The following LINGO2 variants were observed in gnomAD, a reference collection of about 807,000 sequenced individuals.
LINGO2 encodes the protein leucine rich repeat and Ig domain containing 2.
Under a neutral mutation model 30.6 loss-of-function variants are expected in LINGO2, and 14 were observed. The observed-to-expected ratio is 0.46, with a 90% CI of 0.30 to 0.72. The LOEUF (loss-of-function observed/expected upper bound fraction) is 0.72, where lower values mean the gene tolerates loss of function less well. LINGO2 is among the 30% of genes least tolerant of loss of function. The pLI, the probability that LINGO2 is intolerant of heterozygous loss-of-function variation, is 0.07. For missense variants in LINGO2, 729 were observed against 751.7 expected, an observed-to-expected ratio of 0.97 and a Z score of 0.35; for synonymous variants, 317 against 288.5, an observed-to-expected ratio of 1.10 and a Z score of -1.00.
At chr9:28,512,638 C>T (rs10812840) in intron 1 of LINGO2, among the ~76,000 whole-genome samples, 336 of 24,890 alleles carry the variant, frequency 0.013, no homozygotes, top group Non-Finnish European at 0.021. Context: ...TATATATATA[C>T]ACACATACAT....
chr9:28,554,095 G>A (rs970414460), intron 1 of LINGO2, among the ~76,000 whole-genome samples: 18 of 151,986 alleles, frequency 1.2e-4, no homozygotes, highest in Admixed American at 6.6e-4. Context: ...ATCAACTAAC[G>A]AGCAAAATCA....
At chr9:28,266,019 C>G (rs1051352973) in intron 4 of LINGO2, among the ~76,000 whole-genome samples, 4 of 151,946 alleles carry the variant, frequency 2.6e-5, no homozygotes, top group African/African-American at 4.8e-5. Flanking sequence ...ATTTTTTCAT[C>G]ACGGAATGAT....
At chr9:28,217,530 A>C (rs1409371925) in intron 4 of LINGO2, among the ~76,000 whole-genome samples, 4 of 152,104 alleles carry the variant, frequency 2.6e-5, no homozygotes, top group African/African-American at 9.6e-5. Flanking sequence ...AAGAGCAAAC[A>C]CCACCATAGA....
At chr9:28,522,039 TA>T (rs1164184689) in intron 1 of LINGO2, among the ~76,000 whole-genome samples, 1 of 152,210 alleles carries the variant, frequency 6.6e-6, no homozygotes, top group Non-Finnish European at 1.5e-5. Context: ...TGTGAGAGAA[TA>T]AATTTCTATT....
chr9:29,154,308 G>A, the LINGO2 span, among the ~76,000 whole-genome samples: 1 of 151,870 alleles, frequency 6.6e-6, no homozygotes, highest in East Asian at 1.9e-4. Flanking sequence ...AAATTAGCCG[G>A]GCGTGGTGGC....
chr9:28,665,642 T>C (rs1405606574), intron 1 of LINGO2, among the ~76,000 whole-genome samples: 1 of 152,176 alleles, frequency 6.6e-6, no homozygotes, highest in Non-Finnish European at 1.5e-5. Flanking sequence ...TCAGTGTAAG[T>C]TGATAGCATT....
chr9:29,180,731 TC>T, the LINGO2 span, among the ~76,000 whole-genome samples: 1 of 152,240 alleles, frequency 6.6e-6, no homozygotes, highest in African/African-American at 2.4e-5. Context: ...TCTGAAAACA[TC>T]TCGTTCATTT....
the LINGO2 span, among the ~76,000 whole-genome samples, chr9:29,093,418 G>GAT: frequency 7.6e-6 from 1 of 132,444 alleles, no homozygotes; most frequent in African/African-American, 2.8e-5. Flanking sequence ...TAAATAACAA[G>GAT]ATATATATAA....
intron 1 of LINGO2, among the ~76,000 whole-genome samples, chr9:28,645,537 A>G (rs1417760006): frequency 6.6e-6 from 1 of 152,112 alleles, no homozygotes; most frequent in Admixed American, 6.6e-5. Flanking sequence ...TGTGACTGAA[A>G]TCATTGTTGT....
chr9:28,871,305 C>T, the LINGO2 span, among the ~76,000 whole-genome samples: 1 of 148,610 alleles, frequency 6.7e-6, no homozygotes, highest in Non-Finnish European at 1.5e-5. Flanking sequence ...TGAAATTAAA[C>T]AATAGAACAA....
rs567766478 is a variant in LINGO2 at position 27,971,455 on chromosome 9, T to C, written c.-35-20749A>G. ...GGAGTGCGGTGGCCATGATCTGGAC[T>C]TGCTGCAACCTCCGCCTGGCTGGTT... On this transcript the variant is annotated intron_variant, in intron 5 of 5. Transcript: ENST00000379992. Among the ~76,000 whole-genome samples, 19 of 152,326 alleles carry C rather than the reference T, an allele frequency of 1.2e-4. 1 individual carries two copies. The highest frequency in any genetic ancestry group is 3.4e-3 in the Middle Eastern group (1 of 294).
chr9:29,083,202 G>C, the LINGO2 span, among the ~76,000 whole-genome samples: 1 of 152,280 alleles, frequency 6.6e-6, no homozygotes, highest in Middle Eastern at 3.4e-3. Flanking sequence ...ATCAATGATA[G>C]ACTGGATTAA....
chr9:28,320,883 G>A (rs1825017206), intron 3 of LINGO2, among the ~76,000 whole-genome samples: 2 of 152,116 alleles, frequency 1.3e-5, no homozygotes, highest in Admixed American at 6.6e-5. Context: ...AACTCGGGGA[G>A]CACTTTTAGC....
At chr9:28,344,220 T>A (rs35936535) in intron 3 of LINGO2, among the ~76,000 whole-genome samples, 15,593 of 152,190 alleles carry the variant, frequency 0.1, 1,116 homozygotes, top group Admixed American at 0.16. Flanking sequence ...ACAACCTGGA[T>A]CTTTTTCTAT....
chr9:29,045,683 G>C, the LINGO2 span, among the ~76,000 whole-genome samples: 2 of 151,930 alleles, frequency 1.3e-5, no homozygotes, highest in Non-Finnish European at 2.9e-5. Flanking sequence ...TGTGAAGAAT[G>C]TCATCAATAG....
chr9:29,185,601 A>G, the LINGO2 span, among the ~76,000 whole-genome samples: 1 of 152,218 alleles, frequency 6.6e-6, no homozygotes, highest in African/African-American at 2.4e-5. Flanking sequence ...GGTCATTTGT[A>G]TAATCTCTCC....
chr9:29,082,204 C>T, the LINGO2 span, among the ~76,000 whole-genome samples: 1 of 152,194 alleles, frequency 6.6e-6, no homozygotes, highest in African/African-American at 2.4e-5. Flanking sequence ...GTAACCAAAA[C>T]AGCAATGGTG....
At chr9:28,834,460 T>C in the LINGO2 span, among the ~76,000 whole-genome samples, 1 of 152,316 alleles carries the variant, frequency 6.6e-6, no homozygotes, top group African/African-American at 2.4e-5. Context: ...TTCTATTGTA[T>C]TTCCAAATCC....
chr9:28,260,303 C>T (rs1822521457), intron 4 of LINGO2, among the ~76,000 whole-genome samples: 2 of 150,758 alleles, frequency 1.3e-5, no homozygotes, highest in Admixed American at 1.3e-4. Flanking sequence ...TAATGCTTCA[C>T]TCTTGAAAAC....
Sources: allele counts gnomAD v4.1 joint callset (sites outside exome capture counted in the v4.1 genomes callset), GRCh38; gene constraint gnomAD v4.1.1; transcripts MANE v1.5; gene names NCBI Gene and HGNC (gene_info 2026-07-23, HGNC 2026-07-21).